The following ZNF90 variants were observed in gnomAD, a reference collection of about 807,000 sequenced individuals.
ZNF90 encodes zinc finger protein HTF9.
A neutral mutation model predicts 12.0 loss-of-function variants in ZNF90; 11 were observed. That is an observed-to-expected ratio of 0.92 (90% confidence interval 0.58 to 1.52). ZNF90 has a LOEUF of 1.52. Among genes scored for constraint, ZNF90 ranks in the 40% most tolerant of loss-of-function variants. The pLI is 0.00. For missense variants in ZNF90, 765 were observed against 711.5 expected (o/e 1.08, Z -0.86); for synonymous variants, 232 against 240.1 (o/e 0.97, Z 0.31).
At chr19:20,099,642 A>T (rs1555703651) in intron 1 of ZNF90, among the ~76,000 whole-genome samples, 1 of 152,162 alleles carries the variant, frequency 6.6e-6, no homozygotes, top group African/African-American at 2.4e-5. Flanking sequence ...GTCACTAGAT[A>T]CTTCTCCCAG....
chr19:20,106,602 C>T (rs926635021), intron 3 of ZNF90, among the ~76,000 whole-genome samples: 10 of 152,288 alleles, frequency 6.6e-5, no homozygotes, highest in South Asian at 2.1e-4. Context: ...TACAGGCACC[C>T]GCCACCACGC....
At chr19:20,099,549 G>T (rs1555703620) in intron 1 of ZNF90, among the ~76,000 whole-genome samples, 1 of 152,164 alleles carries the variant, frequency 6.6e-6, no homozygotes, top group African/African-American at 2.4e-5. Flanking sequence ...CTGGACACTG[G>T]TGTGGCCTTC....
chr19:20,083,619 G>A (rs1383430780), intron 1 of ZNF90, among the ~76,000 whole-genome samples: 3 of 151,894 alleles, frequency 2.0e-5, no homozygotes, highest in East Asian at 1.9e-4. Flanking sequence ...GAGCCACCAC[G>A]CCCAGGCTCT....
intron 1 of ZNF90, among the ~76,000 whole-genome samples, chr19:20,102,472 T>A (rs2088997373): frequency 6.6e-6 from 1 of 152,122 alleles, no homozygotes; most frequent in African/African-American, 2.4e-5. Context: ...TAGGGACTAG[T>A]GGTGTTAGCG....
intron 1 of ZNF90, among the ~76,000 whole-genome samples, chr19:20,081,236 T>C (rs2088817564): frequency 6.6e-6 from 1 of 152,190 alleles, no homozygotes; most frequent in South Asian, 2.1e-4. Context: ...TTGCCCAGGC[T>C]GGAGTGCAGT....
rs186830173 is a variant in ZNF90, at chr19:20,110,360, C to G, written c.226+5044C>G. Among the ~76,000 whole-genome samples the G allele has an allele frequency of 4.1e-4, 62 of 152,120 alleles. No homozygotes were observed. In the South Asian group the frequency reaches 5.6e-3, roughly 14 times the overall value. On this transcript the variant is annotated intron_variant, in intron 3 of 3. Coordinates refer to ENST00000418063, the MANE Select transcript of ZNF90 (RefSeq NM_007138.2). The stretch of plus-strand genomic sequence containing the variant: ...GTGGTGTGATCTTGGCTCACTGCAA[C>G]CCCTGCCTCCTGGGTTCAAGCAATT...
Position 20,078,102 on chromosome 19 carries a change from C to A in ZNF90, c.-31C>A, listed in dbSNP as rs766630559. 1 of 1,613,960 alleles carries A rather than the reference C, an allele frequency of 6.2e-7. No homozygotes were observed. The highest frequency in any genetic ancestry group is 2.2e-5 in the East Asian group (1 of 44,886). On this transcript the variant is annotated 5_prime_UTR_variant, in exon 1 of 4. Coordinates refer to ENST00000418063, the MANE Select transcript of ZNF90 (RefSeq NM_007138.2). The stretch of plus-strand genomic sequence containing the variant: ...CTGTGACCTGCAGGTATTGGGAGAT[C>A]CACAGCTGAGGGACCCCCGGAAGCC...
Position 20,119,086 on chromosome 19 carries a change from G to A in ZNF90, c.1532G>A (p.Cys511Tyr). The change falls in exon 4 of 4, where the codon TGT (cysteine) becomes TAT (tyrosine). Residue 511 changes from cysteine to tyrosine, a missense_variant. Coordinates refer to ENST00000418063, the MANE Select transcript of ZNF90 (RefSeq NM_007138.2). ...CACAGTGGAGAGAATCCCTACAAATGTGAAGAATGTGGCAAAGCCTTCAAG... is the reference window on the plus strand; with the variant it reads ...CACAGTGGAGAGAATCCCTACAAATATGAAGAATGTGGCAAAGCCTTCAAG... ...IIHSGENPYK[C>Y]EECGKAFKRS... The A allele has an allele frequency of 6.2e-7, 1 of 1,612,642 alleles. No individual in the cohort carries two copies. Among genetic ancestry groups the A allele is most frequent in the East Asian group, 2.2e-5 (1 of 44,826 alleles).
chr19:20,117,636 A>G, intron 3 of ZNF90, 145 bp from the exon 4 acceptor site: 1 of 1,382,472 alleles, frequency 7.2e-7, no homozygotes, highest in Non-Finnish European at 9.4e-7. Flanking sequence ...ATCAGAATCT[A>G]GCAATTGAAG....
chr19:20,082,304 T>C (rs968485000), intron 1 of ZNF90, among the ~76,000 whole-genome samples: 3 of 152,208 alleles, frequency 2.0e-5, no homozygotes, highest in Admixed American at 1.3e-4. Context: ...CTCTTACTTA[T>C]AAATAATAAC....
chr19:20,095,798 GC>G (rs1340225683), intron 1 of ZNF90, among the ~76,000 whole-genome samples: 1 of 152,014 alleles, frequency 6.6e-6, no homozygotes, highest in Admixed American at 6.6e-5. Context: ...TCTTGCCCCT[GC>G]CCCAGAAAAG....
chr19:20,111,290 G>T (rs1236056427), intron 3 of ZNF90, among the ~76,000 whole-genome samples: 1 of 152,084 alleles, frequency 6.6e-6, no homozygotes, highest in Non-Finnish European at 1.5e-5. Flanking sequence ...AACTTGCAAG[G>T]CTCAGTGCTA....
chr19:20,088,651 T>G (rs1339460241), intron 1 of ZNF90, among the ~76,000 whole-genome samples: 1 of 152,212 alleles, frequency 6.6e-6, no homozygotes, highest in Non-Finnish European at 1.5e-5. Context: ...AGGGTCCTCC[T>G]TTTTCAGCAG....
chr19:20,117,397 C>CCTTCCTTCCT lies in ZNF90; in HGVS notation c.227-384_227-383insCTTCCTTCCT. On this transcript the variant is annotated intron_variant, in intron 3 of 3. Transcript: ENST00000418063. ...TTTTTCCTTTCTTTTCTTTTCTTTT[C>CCTTCCTTCCT]TCCTTCCTTCCTTCCTTCCTTCCTT... is the stretch of plus-strand genomic sequence containing the variant. 2.2e-5 allele frequency among the ~76,000 whole-genome samples: 2 copies of CCTTCCTTCCT among 91,400 alleles called. 1 individual carries two copies. Among genetic ancestry groups the CCTTCCTTCCT allele is most frequent in the South Asian group, 7.0e-4 (2 of 2,876 alleles). 60.0% of individuals were successfully genotyped at this position (91,400 alleles called of 152,430 possible). A position where few individuals can be genotyped will look rare whatever the true frequency, so the allele number is the denominator to read the frequency against.
chr19:20,107,834 G>T (rs200733886), intron 3 of ZNF90, among the ~76,000 whole-genome samples: 2 of 152,056 alleles, frequency 1.3e-5, no homozygotes, highest in East Asian at 3.9e-4. Flanking sequence ...TAATTATTGG[G>T]CACCCAATAT....
intron 1 of ZNF90, among the ~76,000 whole-genome samples, chr19:20,085,678 T>C (rs112624707): frequency 0.019 from 2,903 of 152,338 alleles, 93 homozygotes; most frequent in African/African-American, 0.067. Flanking sequence ...GTCCAAGAGT[T>C]CAAAACTCTT....
At position 20,118,136 on chromosome 19, in the gene ZNF90, T is replaced by C. The variant is rs1250245796; in HGVS notation, c.582T>C (p.Ile194=). ...QSSTLATHKK[I]HTGEITCKCE... ...CAACCCTTGCTACACATAAGAAAAT[T>C]CATACTGGAGAGATAACCTGCAAAT... The change falls in exon 4 of 4, where the codon ATT becomes ATC. Residue 194 remains isoleucine, a synonymous_variant. Transcript: ENST00000418063. 1 of 1,610,692 alleles carries C rather than the reference T, an allele frequency of 6.2e-7. No homozygotes were observed. Among genetic ancestry groups the C allele is most frequent in the Non-Finnish European group, 8.5e-7 (1 of 1,178,170 alleles).
chr19:20,085,147 A>AT (rs1396223450), intron 1 of ZNF90, among the ~76,000 whole-genome samples: 1 of 152,076 alleles, frequency 6.6e-6, no homozygotes, highest in Non-Finnish European at 1.5e-5. Flanking sequence ...AGTGTTAGGT[A>AT]TTTATTCCAG....
At chr19:20,083,288 G>A (rs1229023849) in intron 1 of ZNF90, among the ~76,000 whole-genome samples, 3 of 151,930 alleles carry the variant, frequency 2.0e-5, no homozygotes, top group Non-Finnish European at 4.4e-5. Context: ...GTGTGGAGGG[G>A]CAGGCCACCC....
Sources: allele counts gnomAD v4.1 joint callset (sites outside exome capture counted in the v4.1 genomes callset), GRCh38; gene constraint gnomAD v4.1.1; transcripts MANE v1.5; gene names NCBI Gene and HGNC (gene_info 2026-07-23, HGNC 2026-07-21).